Variants in KCNT2 observed in about 807,000 individuals in gnomAD.
KCNT2 encodes potassium sodium-activated channel subfamily T member 2.
Under a neutral mutation model 153.8 loss-of-function variants are expected in KCNT2, and 67 were observed. That is an observed-to-expected ratio of 0.44 (90% CI 0.36 to 0.53). KCNT2 has a LOEUF of 0.53. KCNT2 is among the 20% of genes least tolerant of loss of function. The pLI is 0.00. For missense variants in KCNT2, 975 were observed against 1,354.8 expected, an observed-to-expected ratio of 0.72 and a Z score of 4.40; for synonymous variants, 500 against 458.8, an observed-to-expected ratio of 1.09 and a Z score of -1.15.
intron 1 of KCNT2, among the ~76,000 whole-genome samples, chr1:196,558,801 A>G (rs183550492): frequency 5.9e-5 from 9 of 151,670 alleles, no homozygotes; most frequent in African/African-American, 1.9e-4. Flanking sequence ...AACCTGAAAA[A>G]TACACATTAA....
At chr1:196,552,676 CTAAT>C (rs1039981858) in intron 1 of KCNT2, among the ~76,000 whole-genome samples, 42 of 151,498 alleles carry the variant, frequency 2.8e-4, no homozygotes, top group Admixed American at 7.9e-4. Context: ...GGCAGAAAGA[CTAAT>C]TGATGAACCA....
At chr1:196,419,619 G>T (rs1238967543) in intron 12 of KCNT2, among the ~76,000 whole-genome samples, 2 of 151,562 alleles carry the variant, frequency 1.3e-5, no homozygotes, top group Non-Finnish European at 2.9e-5. Flanking sequence ...GGACATTTGG[G>T]TTGGTTCTAC....
At chr1:196,484,926 AC>A (rs1679304704) in intron 3 of KCNT2, among the ~76,000 whole-genome samples, 1 of 152,080 alleles carries the variant, frequency 6.6e-6, no homozygotes, top group African/African-American at 2.4e-5. Context: ...ATACCATTTG[AC>A]CCAGCAATCC....
At chr1:196,312,136 T>C (rs949314439) in intron 21 of KCNT2, among the ~76,000 whole-genome samples, 8 of 151,782 alleles carry the variant, frequency 5.3e-5, no homozygotes, top group African/African-American at 1.9e-4. Flanking sequence ...CTTTTAGATG[T>C]GTAAATAAAA....
chr1:196,553,707 G>C (rs558181935), intron 1 of KCNT2, among the ~76,000 whole-genome samples: 1 of 150,688 alleles, frequency 6.6e-6, no homozygotes, highest in Non-Finnish European at 1.5e-5. Flanking sequence ...TCAGCACATC[G>C]GTCATTCTCA....
chr1:196,366,495 T>A (rs1043096462), intron 14 of KCNT2, among the ~76,000 whole-genome samples: 7 of 152,118 alleles, frequency 4.6e-5, no homozygotes, highest in African/African-American at 1.7e-4. Context: ...AGTCATCAGA[T>A]GTGCTTGCAT....
intron 8 of KCNT2, among the ~76,000 whole-genome samples, chr1:196,436,202 C>A (rs1281458258): frequency 6.6e-6 from 1 of 151,482 alleles, no homozygotes; most frequent in Non-Finnish European, 1.5e-5. Flanking sequence ...TGTTTAATTG[C>A]ATATTCTTTT....
At chr1:196,510,344 C>T (rs1003639363) in intron 1 of KCNT2, among the ~76,000 whole-genome samples, 1 of 152,106 alleles carries the variant, frequency 6.6e-6, no homozygotes, top group Admixed American at 6.6e-5. Flanking sequence ...GATTAGGGGA[C>T]TGAGGCATTT....
At chr1:196,595,160 G>A (rs1663890356) in intron 1 of KCNT2, among the ~76,000 whole-genome samples, 1 of 151,914 alleles carries the variant, frequency 6.6e-6, no homozygotes, top group Non-Finnish European at 1.5e-5. Flanking sequence ...AATAGGTGGA[G>A]CTCAATACCT....
At chr1:196,495,070 A>G (rs1680150904) in intron 1 of KCNT2, among the ~76,000 whole-genome samples, 1 of 152,152 alleles carries the variant, frequency 6.6e-6, no homozygotes, top group Admixed American at 6.5e-5. Flanking sequence ...AATTATGTGA[A>G]GTAAAACTCT....
At chr1:196,584,672 C>T (rs1181107837) in intron 1 of KCNT2, among the ~76,000 whole-genome samples, 1 of 151,838 alleles carries the variant, frequency 6.6e-6, no homozygotes, top group Non-Finnish European at 1.5e-5. Context: ...ATAATGTTGT[C>T]AAGAGAAAAT....
chr1:196,380,825 G>A (rs1375640544), intron 13 of KCNT2, among the ~76,000 whole-genome samples: 1 of 152,144 alleles, frequency 6.6e-6, no homozygotes, highest in Non-Finnish European at 1.5e-5. Context: ...TATGAGAATA[G>A]ATAATGTCTT....
chr1:196,563,438 C>CA (rs1157847804), intron 1 of KCNT2, among the ~76,000 whole-genome samples: 130 of 59,238 alleles, frequency 2.2e-3, no homozygotes, highest in South Asian at 0.011. Context: ...TCCCCAATAA[C>CA]AAAAAAAAAA....
chr1:196,547,494 T>G (rs1034719143), intron 1 of KCNT2, among the ~76,000 whole-genome samples: 3 of 152,034 alleles, frequency 2.0e-5, no homozygotes, highest in Non-Finnish European at 2.9e-5. Context: ...CTAATAGCTC[T>G]TCTTGTAAAG....
chr1:196,478,302 G>A (rs1262692194), intron 5 of KCNT2, among the ~76,000 whole-genome samples: 1 of 152,106 alleles, frequency 6.6e-6, no homozygotes, highest in Non-Finnish European at 1.5e-5. Flanking sequence ...TCACCATAAT[G>A]TCTATTTGAC....
chr1:196,522,539 T>A (rs1464853768), intron 1 of KCNT2, among the ~76,000 whole-genome samples: 4 of 152,218 alleles, frequency 2.6e-5, no homozygotes, highest in Non-Finnish European at 5.9e-5. Context: ...TTCATACTCC[T>A]TAGTTTGCAA....
At chr1:196,555,812 C>A (rs1276459022) in intron 1 of KCNT2, among the ~76,000 whole-genome samples, 2 of 151,180 alleles carry the variant, frequency 1.3e-5, no homozygotes, top group African/African-American at 2.4e-5. Context: ...ACACACAGAC[C>A]AATGGAAAAC....
At chr1:196,260,319 A>T (rs1656889894) in intron 25 of KCNT2, among the ~76,000 whole-genome samples, 1 of 151,876 alleles carries the variant, frequency 6.6e-6, no homozygotes, top group African/African-American at 2.4e-5. Flanking sequence ...GAGCATAGGG[A>T]TTCACTTCTT....
rs113815856 is a variant in KCNT2 at position 196,587,983 on chromosome 1, T to C, written c.95+20232A>G. Reference sequence around the variant, plus strand: ...ACTTGCTGGCTCAATGCCTGCCTGGTTCTTGCCTTGATAAGATAGTGTGGA... The same window carrying C: ...ACTTGCTGGCTCAATGCCTGCCTGGCTCTTGCCTTGATAAGATAGTGTGGA... On this transcript the variant is annotated intron_variant, in intron 1 of 27. Coordinates refer to ENST00000294725, the MANE Select transcript of KCNT2 (RefSeq NM_198503.5). 3.3e-3 allele frequency among the ~76,000 whole-genome samples: 508 copies of C among 152,156 alleles called. 2 individuals are homozygous for C. The highest frequency in any genetic ancestry group is 0.012 in the African/African-American group (483 of 41,572).
Sources: allele counts gnomAD v4.1 joint callset (sites outside exome capture counted in the v4.1 genomes callset), GRCh38; gene constraint gnomAD v4.1.1; transcripts MANE v1.5; gene names NCBI Gene and HGNC (gene_info 2026-07-23, HGNC 2026-07-21).